The following PPP1R37 variants were observed in gnomAD, a reference collection of about 807,000 sequenced individuals.
The protein encoded by PPP1R37 is protein phosphatase 1 regulatory subunit 37.
A neutral mutation model predicts 61.0 loss-of-function variants in PPP1R37; 21 were observed. The ratio of observed to expected loss-of-function variants is 0.34; its 90% confidence interval spans 0.24 to 0.50. The LOEUF (loss-of-function observed/expected upper bound fraction) is 0.50, where lower values mean the gene tolerates loss of function less well. PPP1R37 is among the 20% of genes least tolerant of loss of function. The probability of loss-of-function intolerance (pLI) is 0.98; values close to 1 mark genes in which losing one functional copy is unlikely to be tolerated. For missense variants in PPP1R37, 910 were observed against 952.7 expected, an observed-to-expected ratio of 0.96 and a Z score of 0.59; for synonymous variants, 443 against 433.5, an observed-to-expected ratio of 1.02 and a Z score of -0.27.
chr19:45,111,121 A>T (rs1487421821), intron 1 of PPP1R37, among the ~76,000 whole-genome samples: 1 of 151,954 alleles, frequency 6.6e-6, no homozygotes, highest in African/African-American at 2.4e-5. Flanking sequence ...CCTCTGCCGG[A>T]TTGTCTTGCC....
intron 1 of PPP1R37, among the ~76,000 whole-genome samples, chr19:45,125,117 C>T (rs1246278090): frequency 6.6e-6 from 1 of 152,138 alleles, no homozygotes; most frequent in East Asian, 1.9e-4. Context: ...TCTGAAGGGT[C>T]CTGAATAGTG....
chr19:45,094,401 A>C (rs1279057074), intron 1 of PPP1R37, among the ~76,000 whole-genome samples: 1 of 152,202 alleles, frequency 6.6e-6, no homozygotes, highest in East Asian at 1.9e-4. Context: ...GGACATGGCT[A>C]CGGAAGGGTC....
intron 7 of PPP1R37, chr19:45,142,671 G>T (rs1238537597): frequency 3.5e-6 from 2 of 575,328 alleles, no homozygotes; most frequent in Admixed American, 3.3e-5. Context: ...GGTCCGATCA[G>T]TCTGGGGGCC....
intron 11 of PPP1R37, 117 bp downstream of exon 11, chr19:45,146,166 GCC>G: frequency 8.3e-7 from 1 of 1,206,998 alleles, no homozygotes; most frequent in Middle Eastern, 2.0e-4. Flanking sequence ...TCTCGCAGGG[GCC>G]AGCAAAGTGG....
chr19:45,128,206 T>C (rs923303449), intron 1 of PPP1R37, among the ~76,000 whole-genome samples: 4 of 152,192 alleles, frequency 2.6e-5, no homozygotes, highest in Non-Finnish European at 5.9e-5. Flanking sequence ...ACCTAGTTTA[T>C]TGTATGTCCT....
In PPP1R37 at chr19:45,146,934, CA is replaced by C. The variant is rs1968711112; in HGVS notation, c.*373del. ...GGATGGTCCCCTGTGGCCCCGGGCA[CA>C]GGGCCGGGCAGGCAGCCTGGTGCCG... is the stretch of plus-strand genomic sequence containing the variant. On this transcript the variant is annotated 3_prime_UTR_variant, in exon 13 of 13. Transcript: ENST00000221462. 1 of 163,898 alleles carries C rather than the reference CA, an allele frequency of 6.1e-6. No individual in the cohort carries two copies. Among genetic ancestry groups the C allele is most frequent in the Non-Finnish European group, 1.3e-5 (1 of 75,178 alleles). The allele number at this position is 163,898 out of a possible 1,614,324, so 10.2% of individuals were successfully genotyped here.
At chr19:45,132,984 A>G (rs1968497162) in intron 1 of PPP1R37, among the ~76,000 whole-genome samples, 3 of 152,250 alleles carry the variant, frequency 2.0e-5, no homozygotes, top group Admixed American at 6.5e-5. Context: ...TTTTAGGGAT[A>G]AAACAGTTGA....
intron 1 of PPP1R37, among the ~76,000 whole-genome samples, chr19:45,119,026 G>C (rs1015266954): frequency 6.6e-6 from 1 of 151,294 alleles, no homozygotes. Context: ...CTCATTCTCT[G>C]TCACTCATGC....
intron 2 of PPP1R37, among the ~76,000 whole-genome samples, chr19:45,139,177 A>C (rs1468212326): frequency 6.6e-6 from 1 of 152,164 alleles, no homozygotes; most frequent in Non-Finnish European, 1.5e-5. Flanking sequence ...TCAGCCTCCT[A>C]AAATGCTGAG....
rs144099113 is a variant in PPP1R37, at chr19:45,145,404, G to T, written c.1348G>T (p.Gly450Cys). The change falls in exon 11 of 13, where the codon GGC (glycine) becomes TGC (cysteine). Residue 450 changes from glycine (G) to cysteine (C), a missense_variant. By Grantham distance (159) the Gly-to-Cys change is radical. This residue lies in a region of PPP1R37 where 549 missense variants were observed against 505.1 expected (regional missense o/e 1.09). Transcript: ENST00000221462. ...QKALLAEIQN[G>C]CKRNLVLARE... is the part of the protein sequence containing the mutation. The stretch of plus-strand genomic sequence containing the variant: ...GGCGCTGCTGGCCGAGATCCAGAAC[G>T]GCTGCAAGCGCAACTTGGTGCTGGC... The T allele has an allele frequency of 6.5e-7, 1 of 1,535,402 alleles. No individual in the cohort carries two copies. The highest frequency in any genetic ancestry group is 2.4e-5 in the East Asian group (1 of 40,890).
In PPP1R37 at chr19:45,146,049, G is replaced by A. The variant is rs1379390734; in HGVS notation, c.1993G>A (p.Glu665Lys). 7 of 1,526,134 alleles carry A rather than the reference G, an allele frequency of 4.6e-6. No individual in the cohort carries two copies. The highest frequency in any genetic ancestry group is 2.0e-5 in the Admixed American group (1 of 49,968). The allele number at this position is 1,526,134 out of a possible 1,614,324, so 94.5% of individuals were successfully genotyped here. A position where few individuals can be genotyped will look rare whatever the true frequency, so the allele number is the denominator to read the frequency against. The change falls in exon 11 of 13, where the codon GAA becomes AAA. Residue 665 changes from glutamate (E) to lysine (K), a missense_variant and splice_region_variant. Transcript: ENST00000221462. Reference sequence around the variant, plus strand: ...GGGGGGCAGCTGCGGCCTGGAGCACGGTGAGAGGGGCCCTAGGGCAGGTGT... The same window carrying A: ...GGGGGGCAGCTGCGGCCTGGAGCACAGTGAGAGGGGCCCTAGGGCAGGTGT... ...VKGGSCGLEH[E>K]LSCSKNEKEL... is the part of the protein sequence containing the mutation.
intron 1 of PPP1R37, among the ~76,000 whole-genome samples, chr19:45,114,697 A>G (rs1424231842): frequency 1.3e-5 from 2 of 152,026 alleles, no homozygotes; most frequent in Non-Finnish European, 2.9e-5. Flanking sequence ...CTATAATTCC[A>G]GCACTTTGGG....
At position 45,138,558 on chromosome 19, in the gene PPP1R37, G is replaced by T; in HGVS notation, c.247G>T (p.Ala83Ser). The T allele has an allele frequency of 6.5e-7, 1 of 1,534,726 alleles. No individual in the cohort carries two copies. The highest frequency in any genetic ancestry group is 1.2e-5 in the South Asian group (1 of 84,040). ...VDEVIGAYKQ[A>S]CQKLNCRQIP... ...CGAGGTCATCGGCGCCTACAAGCAG[G>T]CCTGCCAGAAGCTGAACTGCAGGCA... The change falls in exon 2 of 13, where the codon GCC (alanine) becomes TCC (serine). Residue 83 changes from alanine to serine, a missense_variant. Transcript: ENST00000221462.
chr19:45,140,793 C>G, intron 4 of PPP1R37, 187 bp downstream of exon 4: 1 of 589,794 alleles, frequency 1.7e-6, no homozygotes, highest in Non-Finnish European at 3.0e-6. Context: ...GTGGAGGGCG[C>G]GTTGGGGCAC....
chr19:45,130,159 A>C lies in PPP1R37; in HGVS notation c.203-8355A>C, dbSNP rs1202561522. Among the ~76,000 whole-genome samples, 1 of 152,102 alleles carries C rather than the reference A, an allele frequency of 6.6e-6. No individual in the cohort carries two copies. Among genetic ancestry groups the C allele is most frequent in the African/African-American group, 2.4e-5 (1 of 41,422 alleles). The stretch of plus-strand genomic sequence containing the variant: ...GCACTAGCGGGGGCTCAGCTGCCAA[A>C]ACCCAGGGACAGGTGAGGCTGTCAC... On this transcript the variant is annotated intron_variant, in intron 1 of 12. Transcript: ENST00000221462. The surrounding 1 kb of genome is among the most constrained non-coding windows in gnomAD (Gnocchi z 4.4).
chr19:45,126,483 G>C (rs1035213337), intron 1 of PPP1R37, among the ~76,000 whole-genome samples: 2 of 152,186 alleles, frequency 1.3e-5, no homozygotes, highest in Non-Finnish European at 2.9e-5. Context: ...CATGCTGTGG[G>C]GAAATGGGGC....
intron 1 of PPP1R37, among the ~76,000 whole-genome samples, chr19:45,107,879 A>C (rs1251722625): frequency 2.0e-5 from 3 of 152,230 alleles, no homozygotes; most frequent in African/African-American, 7.2e-5. Flanking sequence ...AGCATGATTT[A>C]AAGTACATCA....
At chr19:45,118,247 G>A (rs1315763681) in intron 1 of PPP1R37, among the ~76,000 whole-genome samples, 1 of 152,220 alleles carries the variant, frequency 6.6e-6, no homozygotes, top group Non-Finnish European at 1.5e-5. Context: ...CAGTTTAGCA[G>A]GGGGAGAGGG....
intron 1 of PPP1R37, among the ~76,000 whole-genome samples, chr19:45,101,799 G>C (rs1241510725): frequency 6.6e-6 from 1 of 152,214 alleles, no homozygotes; most frequent in East Asian, 1.9e-4. Context: ...ACTGAGACAG[G>C]GAGGCCAGGG....
Sources: allele counts gnomAD v4.1 joint callset (sites outside exome capture counted in the v4.1 genomes callset), GRCh38; gene constraint gnomAD v4.1.1; regional missense constraint gnomAD v4.1.1; non-coding constraint Gnocchi (gnomAD v3.1); transcripts MANE v1.5; gene names NCBI Gene and HGNC (gene_info 2026-07-23, HGNC 2026-07-21).